Variants in CPSF1 observed in about 807,000 individuals in gnomAD.
CPSF1 encodes the protein cleavage and polyadenylation specific factor 1.
In CPSF1, 106 loss-of-function variants were observed where a neutral mutation model predicts 175.8. The ratio of observed to expected loss-of-function variants is 0.60; its 90% CI spans 0.52 to 0.71. The LOEUF (loss-of-function observed/expected upper bound fraction) is 0.71. Among genes scored for constraint, CPSF1 ranks in the 30% least tolerant of loss-of-function variants. The probability of loss-of-function intolerance (pLI) is 0.00; values close to 1 mark genes in which losing one functional copy is unlikely to be tolerated. For synonymous variants in CPSF1, 1,024 were observed against 858.3 expected, an observed-to-expected ratio of 1.19 and a Z score of -3.37; for missense variants, 1,734 against 2,022.9, an observed-to-expected ratio of 0.86 and a Z score of 2.74.
Position 144,399,778 on chromosome 8 carries a change from C to G in CPSF1, c.1119+3G>C. ...CCAGACCCAACCCCTAGTCCCAACTCACGCTGGTGGTGAGGACGCTGGCGG... is the reference window on the plus strand; with the variant it reads ...CCAGACCCAACCCCTAGTCCCAACTGACGCTGGTGGTGAGGACGCTGGCGG... On this transcript the variant is annotated splice_donor_region_variant and intron_variant, in intron 11 of 37. Coordinates refer to ENST00000616140, the MANE Select transcript of CPSF1 (RefSeq NM_013291.3). The surrounding 1 kb of genome is among the most constrained non-coding windows in gnomAD (Gnocchi z 6.4). 1 of 1,579,396 alleles carries G rather than the reference C, an allele frequency of 6.3e-7. No homozygotes were observed. Among genetic ancestry groups the G allele is most frequent in the Non-Finnish European group, 8.6e-7 (1 of 1,163,144 alleles).
At chr8:144,397,145 GTGGGGGAACGGGCAGGGCCA>G in intron 23 of CPSF1, 42 bp downstream of exon 23, 2 of 1,439,732 alleles carry the variant, frequency 1.4e-6, no homozygotes, top group Non-Finnish European at 1.9e-6. Flanking sequence ...GGGCGGGGCT[GTGGGGGAACGGGCAGGGCCA>G]GGGGGAAGAT....
In CPSF1 at chr8:144,398,045, G is replaced by A. The variant is rs782771256; in HGVS notation, c.1982C>T (p.Ala661Val). The A allele has an allele frequency of 2.5e-5, 40 of 1,612,480 alleles. No homozygotes were observed. The highest frequency in any genetic ancestry group is 3.4e-5 in the Non-Finnish European group (40 of 1,179,768). Residue 661 changes from alanine (A) to valine (V), a missense_variant, in exon 20 of 38, where the codon GCC (alanine) becomes GTC (valine). Transcript: ENST00000616140. ...CAGGAACATGGTGACGTGGCCCTCGGCACTCATGATGACCACATAGGGGTC... is the reference window on the plus strand; with the variant it reads ...CAGGAACATGGTGACGTGGCCCTCGACACTCATGATGACCACATAGGGGTC... ...VADPYVVIMS[A>V]EGHVTMFLLK... is the part of the protein sequence containing the mutation.
intron 4 of CPSF1, 29 bp from the exon 5 acceptor site, chr8:144,401,320 C>A (rs1821195920): frequency 6.3e-7 from 1 of 1,590,434 alleles, no homozygotes. Flanking sequence ...GCCGTGGCTG[C>A]CGACTGCCGG....
chr8:144,398,055 T>C lies in CPSF1; in HGVS notation c.1972A>G (p.Ile658Val), dbSNP rs782466045. 2 of 1,612,516 alleles carry C rather than the reference T, an allele frequency of 1.2e-6. No individual in the cohort carries two copies. Among genetic ancestry groups the C allele is most frequent in the Admixed American group, 1.7e-5 (1 of 59,978 alleles). ...QCAVADPYVVIMSAEGHVTMF... is the reference protein window; with the variant it reads ...QCAVADPYVVVMSAEGHVTMF... ...GTGACGTGGCCCTCGGCACTCATGATGACCACATAGGGGTCGGCCACGGCG... is the reference window on the plus strand; with the variant it reads ...GTGACGTGGCCCTCGGCACTCATGACGACCACATAGGGGTCGGCCACGGCG... Residue 658 changes from isoleucine to valine, a missense_variant, in exon 20 of 38, where the codon ATC becomes GTC. Physicochemically the swap from Ile to Val is conservative, Grantham distance 29. This residue lies in a region of CPSF1 where 280 missense variants were observed against 349.2 expected (regional missense o/e 0.80). Coordinates refer to ENST00000616140, the MANE Select transcript of CPSF1 (RefSeq NM_013291.3).
chr8:144,400,146 C>CCCAGCCA lies in CPSF1; in HGVS notation c.937+13_937+19dup. ...CAAGCCGTCCCCGGGCCCCCCCCGC[C>CCCAGCCA]CCAGCCACCCCACACTCACGAAGCG... is the stretch of plus-strand genomic sequence containing the variant. On this transcript the variant is annotated intron_variant, in intron 9 of 37. Transcript: ENST00000616140. 1.4e-6 allele frequency: 2 copies of CCCAGCCA among 1,387,298 alleles called. No homozygotes were observed. Among genetic ancestry groups the CCCAGCCA allele is most frequent in the Non-Finnish European group, 2.0e-6 (2 of 1,021,310 alleles). The allele number at this position is 1,387,298 out of a possible 1,614,324, so 85.9% of individuals were successfully genotyped here. A position where few individuals can be genotyped will look rare whatever the true frequency, so the allele number is the denominator to read the frequency against.
chr8:144,397,747 T>A lies in CPSF1; in HGVS notation c.2206A>T (p.Thr736Ser). ...GPEAEGLGSE[T>S]SPTVDDEEEM... ...GCGCCCCCAGCCCCCACGCACCTAG[T>A]CTCTGAGCCCAGGCCCTCGGCCTCC... The change falls in exon 21 of 38, where the codon ACT becomes TCT. Residue 736 changes from threonine (T) to serine (S), a missense_variant. Physicochemically the swap from Thr to Ser is moderately conservative, Grantham distance 58 (BLOSUM62 1). Around this residue, in one of 10 missense-constraint regions of CPSF1, gnomAD observed 585 missense variants for 584.7 expected, o/e 1.00. Transcript: ENST00000616140. 2.5e-6 allele frequency: 4 copies of A among 1,602,240 alleles called. No individual in the cohort carries two copies. The highest frequency in any genetic ancestry group is 3.4e-6 in the Non-Finnish European group (4 of 1,172,082).
At chr8:144,406,041 T>A (rs1490603156) in intron 2 of CPSF1, among the ~76,000 whole-genome samples, 2 of 152,106 alleles carry the variant, frequency 1.3e-5, no homozygotes, top group African/African-American at 4.8e-5. Context: ...ATAAAAGACC[T>A]CGTTTGCATA....
In CPSF1 at chr8:144,393,256, G is replaced by GT; in HGVS notation, c.*61dup. ...TCAAGCAAAAAATGTTTTTCCTTGT[G>GT]TTTTGTACAAAAAGGGGGTGGGAGG... On this transcript the variant is annotated 3_prime_UTR_variant, in exon 38 of 38. Transcript: ENST00000616140. 6.9e-7 allele frequency: 1 copy of GT among 1,439,544 alleles called. No individual in the cohort carries two copies. The highest frequency in any genetic ancestry group is 2.6e-4 in the Middle Eastern group (1 of 3,886). The allele number at this position is 1,439,544 out of a possible 1,614,324, so 89.2% of individuals were successfully genotyped here. A position where few individuals can be genotyped will look rare whatever the true frequency, so the allele number is the denominator to read the frequency against.
chr8:144,408,243 T>A (rs2116910573), intron 2 of CPSF1, among the ~76,000 whole-genome samples: 4 of 152,096 alleles, frequency 2.6e-5, no homozygotes, highest in Non-Finnish European at 5.9e-5. Context: ...ACTGTGCATG[T>A]CTCTCCACCC....
chr8:144,409,224 C>T (rs1235009151), intron 1 of CPSF1, 52 bp from the exon 2 acceptor site: 7 of 1,328,404 alleles, frequency 5.3e-6, no homozygotes, highest in African/African-American at 1.5e-5. Context: ...CGCAGGAGCC[C>T]GGCCCCGCAC....
chr8:144,399,551 A>G lies in CPSF1; in HGVS notation c.1242+37T>C, dbSNP rs2116863832. ...AGTGGCATGCCACAGCAGTGCCCAC[A>G]TGAAGGGTGGTGGCCCAATGGGCCC... On this transcript the variant is annotated intron_variant, in intron 12 of 37. Transcript: ENST00000616140. This position sits in a 1 kb window ranked among gnomAD's most constrained non-coding sequence, Gnocchi z 6.4. 45 of 1,611,486 alleles carry G rather than the reference A, an allele frequency of 2.8e-5. 2 individuals are homozygous for G. Among genetic ancestry groups the G allele is most frequent in the Middle Eastern group, 3.3e-4 (2 of 6,080 alleles).
rs1361377947 is a variant in CPSF1, at chr8:144,394,749, G to A, written c.3462C>T (p.Pro1154=). Residue 1154 remains proline (P), a synonymous_variant, in exon 31 of 38, where the codon CCC becomes CCT. Transcript: ENST00000616140. ...VIEVVPEPGQ[P]LTKNKFKVLY... ...GGACTTTGAACTTGTTCTTGGTCAA[G>A]GGCTGGCCAGGCTCGGGCACCACCT... is the stretch of plus-strand genomic sequence containing the variant. 1.9e-6 allele frequency: 3 copies of A among 1,613,536 alleles called. No homozygotes were observed. In the African/African-American group the frequency reaches 4.0e-5, roughly 22 times the overall value.
rs2116864867 is a variant in CPSF1, at chr8:144,399,645, C to T, written c.1185G>A (p.Lys395=). The change falls in exon 12 of 38, where the codon AAG becomes AAA. Residue 395 remains lysine (K), a synonymous_variant. Transcript: ENST00000616140. This position sits in a 1 kb window ranked among gnomAD's most constrained non-coding sequence, Gnocchi z 6.4. ...GSRLGNSLLL[K]YTEKLQEPPA... is the part of the protein sequence containing the mutation. ...GGGGCTCCTGCAGCTTCTCCGTGTA[C>T]TTGAGGAGGAGGGAATTGCCCAGGC... The T allele has an allele frequency of 6.2e-7, 1 of 1,610,662 alleles. No individual in the cohort carries two copies. The highest frequency in any genetic ancestry group is 8.5e-7 in the Non-Finnish European group (1 of 1,178,718).
chr8:144,395,111 T>C lies in CPSF1; in HGVS notation c.3259A>G (p.Ile1087Val). The C allele has an allele frequency of 6.2e-7, 1 of 1,610,942 alleles. No individual in the cohort carries two copies. Among genetic ancestry groups the C allele is most frequent in the South Asian group, 1.1e-5 (1 of 90,848 alleles). ...GCCCAGCCTCACCTGGCATTGGGAATAGCCTCCCAGCTGACCGGGGAGATG... is the reference window on the plus strand; with the variant it reads ...GCCCAGCCTCACCTGGCATTGGGAACAGCCTCCCAGCTGACCGGGGAGATG... ...QLISPVSWEA[I>V]PNARIELQEW... The change falls in exon 29 of 38, where the codon ATT becomes GTT. Residue 1087 changes from isoleucine to valine, a missense_variant. Physicochemically the swap from Ile to Val is conservative, Grantham distance 29 (BLOSUM62 3). Coordinates refer to ENST00000616140, the MANE Select transcript of CPSF1 (RefSeq NM_013291.3).
rs1554862154 is a variant in CPSF1, at chr8:144,393,594, G to A, written c.4146-4C>T. 6.2e-7 allele frequency: 1 copy of A among 1,602,532 alleles called. No individual in the cohort carries two copies. Among genetic ancestry groups the A allele is most frequent in the Non-Finnish European group, 8.5e-7 (1 of 1,177,508 alleles). On this transcript the variant is annotated splice_region_variant and splice_polypyrimidine_tract_variant and intron_variant, in intron 36 of 37. Coordinates refer to ENST00000616140, the MANE Select transcript of CPSF1 (RefSeq NM_013291.3). ...GCGGCGGTCCACGTGCAGCATCCTGGGGCGTACAGGCACAGGTGTCAGGGC... is the reference window on the plus strand; with the variant it reads ...GCGGCGGTCCACGTGCAGCATCCTGAGGCGTACAGGCACAGGTGTCAGGGC...
At chr8:144,394,592 GGAGCCGGGTGAGGGT>G (rs1380258157) in intron 31 of CPSF1, 37 bp from the exon 32 acceptor site, 2 of 1,603,078 alleles carry the variant, frequency 1.2e-6, no homozygotes, top group Non-Finnish European at 1.7e-6. Flanking sequence ...GCGCGGACGG[GGAGCCGGGTGAGGGT>G]GAGCCGGGGG....
At position 144,398,516 on chromosome 8, in the gene CPSF1, G is replaced by C. The variant is rs201457489; in HGVS notation, c.1752+9C>G. On this transcript the variant is annotated intron_variant, in intron 18 of 37. Coordinates refer to ENST00000616140, the MANE Select transcript of CPSF1 (RefSeq NM_013291.3). The stretch of plus-strand genomic sequence containing the variant: ...CCCCAGGTCCCAGGTCCCAGGCCCT[G>C]CCCCTCACCATGGTGGAGTCTTCCC... The C allele has an allele frequency of 6.3e-7, 1 of 1,595,658 alleles. No individual in the cohort carries two copies. The highest frequency in any genetic ancestry group is 2.3e-5 in the East Asian group (1 of 43,574).
Position 144,394,093 on chromosome 8 carries a change from G to C in CPSF1, c.3859+20C>G, listed in dbSNP as rs373457591. ...TAGCCCAGCCCCGGCCCAGGCAGAG[G>C]GGGTGGAGGAAGCACTCACCTTCGG... is the stretch of plus-strand genomic sequence containing the variant. On this transcript the variant is annotated intron_variant, in intron 34 of 37. Coordinates refer to ENST00000616140, the MANE Select transcript of CPSF1 (RefSeq NM_013291.3). 22 of 1,612,110 alleles carry C rather than the reference G, an allele frequency of 1.4e-5. No individual in the cohort carries two copies. In the Admixed American group the frequency reaches 2.7e-4, roughly 20 times the overall value.
intron 2 of CPSF1, among the ~76,000 whole-genome samples, chr8:144,401,919 C>T (rs2116887832): frequency 4.6e-5 from 7 of 152,190 alleles, no homozygotes; most frequent in Admixed American, 6.5e-5. Flanking sequence ...CCCTACCTCA[C>T]GGCTCCCTAG....
Sources: allele counts gnomAD v4.1 joint callset (sites outside exome capture counted in the v4.1 genomes callset), GRCh38; gene constraint gnomAD v4.1.1; regional missense constraint gnomAD v4.1.1; non-coding constraint Gnocchi (gnomAD v3.1); transcripts MANE v1.5; gene names NCBI Gene and HGNC (gene_info 2026-07-23, HGNC 2026-07-21).